Variants in ZDHHC5 observed in about 807,000 individuals in gnomAD.
The protein encoded by ZDHHC5 is palmitoyltransferase ZDHHC5.
Under a neutral mutation model 70.0 loss-of-function variants are expected in ZDHHC5, and 22 were observed. The ratio of observed to expected loss-of-function variants is 0.31; its 90% CI spans 0.22 to 0.45. The LOEUF is 0.45. Ranked by LOEUF, ZDHHC5 falls within the 20% of genes least tolerant of loss-of-function variation. The probability of loss-of-function intolerance (pLI) is 1.00; values close to 1 mark genes in which losing one functional copy is unlikely to be tolerated. For missense variants in ZDHHC5, 746 were observed against 926.9 expected (o/e 0.80, Z 2.53); for synonymous variants, 313 against 347.8 (o/e 0.90, Z 1.11).
chr11:57,678,082 G>C (rs1239526470), intron 2 of ZDHHC5, among the ~76,000 whole-genome samples: 1 of 152,192 alleles, frequency 6.6e-6, no homozygotes, highest in Admixed American at 6.5e-5. Flanking sequence ...TCATCAACAA[G>C]GAACACTAGT....
chr11:57,696,771 A>T lies in ZDHHC5; in HGVS notation c.1020A>T (p.Leu340Phe). 6.2e-7 allele frequency: 1 copy of T among 1,613,544 alleles called. No individual in the cohort carries two copies. Residue 340 changes from leucine (L) to phenylalanine (F), a missense_variant, in exon 10 of 12, where the codon TTA becomes TTT. Physicochemically the swap from Leu to Phe is conservative, Grantham distance 22 (BLOSUM62 0). This residue lies in a region of ZDHHC5 where 179 missense variants were observed against 178.4 expected (regional missense o/e 1.00). Coordinates refer to ENST00000287169, the MANE Select transcript of ZDHHC5 (RefSeq NM_015457.3). ...LGLATNEDSSLLAKDSPPTPT... is the reference protein window; with the variant it reads ...LGLATNEDSSFLAKDSPPTPT... ...CCTTTTTTCTTGCAGATAGTAGCTTATTGGCCAAGGACAGCCCCCCGACAC... is the reference window on the plus strand; with the variant it reads ...CCTTTTTTCTTGCAGATAGTAGCTTTTTGGCCAAGGACAGCCCCCCGACAC...
intron 3 of ZDHHC5, among the ~76,000 whole-genome samples, chr11:57,684,051 A>C (rs1373306270): frequency 7.4e-6 from 1 of 135,298 alleles, no homozygotes; most frequent in African/African-American, 2.7e-5. Context: ...GGCTCACTGC[A>C]GCCTTGACCC....
At position 57,691,299 on chromosome 11, in the gene ZDHHC5, C is replaced by T. The variant is rs1357175999; in HGVS notation, c.660+862C>T. On this transcript the variant is annotated intron_variant, in intron 6 of 11. Transcript: ENST00000287169. ...GTTGGCCAGGCTGGTCTCGAACTCCCGACCTCAGGTGATCCACCCACCTCA... is the reference window on the plus strand; with the variant it reads ...GTTGGCCAGGCTGGTCTCGAACTCCTGACCTCAGGTGATCCACCCACCTCA... Among the ~76,000 whole-genome samples the T allele has an allele frequency of 4.6e-5, 7 of 151,836 alleles. No individual in the cohort carries two copies. In the East Asian group the frequency reaches 5.8e-4, roughly 13 times the overall value.
rs555521374 is a variant in ZDHHC5 at position 57,693,868 on chromosome 11, G to C, written c.838G>C (p.Val280Leu). 4.3e-5 allele frequency: 70 copies of C among 1,613,216 alleles called. 1 individual carries two copies. The South Asian group carries it at 7.6e-4, about 18-fold the overall frequency. The change falls in exon 8 of 12, where the codon GTG becomes CTG. Residue 280 changes from valine (V) to leucine (L), a missense_variant. Around this residue, in one of 6 missense-constraint regions of ZDHHC5, gnomAD observed 114 missense variants for 179.3 expected, o/e 0.64. Transcript: ENST00000287169. ...AGAAGTTTCAGATGGGCAGATAACT[G>C]TGAAGATCATGGATAATGGCATCCA... ...RPEVSDGQITVKIMDNGIQGE... is the reference protein window; with the variant it reads ...RPEVSDGQITLKIMDNGIQGE...
rs1328677429 is a variant in ZDHHC5 at position 57,700,613 on chromosome 11, C to G, written c.*582C>G. The G allele has an allele frequency of 6.6e-6, 1 of 152,458 alleles. No individual in the cohort carries two copies. The highest frequency in any genetic ancestry group is 1.9e-4 in the East Asian group (1 of 5,196). The allele number at this position is 152,458 out of a possible 1,614,324, so 9.4% of individuals were successfully genotyped here. ...AGTTACTAACTACGGAAATAGCATC[C>G]TCTGCTGGTGCTAAGTGTGATTAGG... is the stretch of plus-strand genomic sequence containing the variant. On this transcript the variant is annotated 3_prime_UTR_variant, in exon 12 of 12. Coordinates refer to ENST00000287169, the MANE Select transcript of ZDHHC5 (RefSeq NM_015457.3).
At chr11:57,674,374 T>G (rs1431489102) in intron 2 of ZDHHC5, among the ~76,000 whole-genome samples, 1 of 151,682 alleles carries the variant, frequency 6.6e-6, no homozygotes, top group Non-Finnish European at 1.5e-5. Flanking sequence ...TGCTGTTACC[T>G]GTTTATAAAT....
rs1946426199 is a variant in ZDHHC5 at position 57,700,356 on chromosome 11, T to A, written c.*325T>A. The A allele has an allele frequency of 5.7e-6, 1 of 174,104 alleles. No individual in the cohort carries two copies. Among genetic ancestry groups the A allele is most frequent in the African/African-American group, 2.4e-5 (1 of 41,952 alleles). The allele number at this position is 174,104 out of a possible 1,614,324, so 10.8% of individuals were successfully genotyped here. On this transcript the variant is annotated 3_prime_UTR_variant, in exon 12 of 12. Transcript: ENST00000287169. The stretch of plus-strand genomic sequence containing the variant: ...TTAAACCAGAAATAATTTTTTTTAT[T>A]ATTGTTACGGATTCTATTTTTTTCC...
intron 2 of ZDHHC5, among the ~76,000 whole-genome samples, chr11:57,680,487 G>A (rs1369344709): frequency 6.6e-6 from 1 of 152,234 alleles, no homozygotes; most frequent in East Asian, 1.9e-4. Flanking sequence ...GGAAACTAAG[G>A]TGAATATTTC....
chr11:57,694,890 C>T (rs772460122), intron 8 of ZDHHC5, among the ~76,000 whole-genome samples: 12 of 152,260 alleles, frequency 7.9e-5, no homozygotes, highest in Non-Finnish European at 1.2e-4. Context: ...GTGGGAAGAT[C>T]GCTTGAGTTC....
chr11:57,685,907 A>C (rs1487484330), intron 3 of ZDHHC5, among the ~76,000 whole-genome samples: 1 of 151,966 alleles, frequency 6.6e-6, no homozygotes, highest in Non-Finnish European at 1.5e-5. Flanking sequence ...CATGCCTGTA[A>C]TCCCAGCTAC....
chr11:57,698,776 GT>G lies in ZDHHC5; in HGVS notation c.1342del (p.Ser448GlnfsTer48). 6.2e-7 allele frequency: 1 copy of G among 1,614,166 alleles called. No homozygotes were observed. The highest frequency in any genetic ancestry group is 8.5e-7 in the Non-Finnish European group (1 of 1,180,032). On this transcript the variant is annotated frameshift_variant, in exon 11 of 12. Coordinates refer to ENST00000287169, the MANE Select transcript of ZDHHC5 (RefSeq NM_015457.3). LOFTEE classifies it high-confidence loss of function. ...GAGCTGGGCCAGTTGCAATCCATTC[GT>G]TCAGAGGGCACCACCTCCACCTCCT... ...GFELGQLQSI[R>X]SEGTTSTSYK...
At chr11:57,688,704 T>C (rs760070313) in intron 4 of ZDHHC5, 39 bp downstream of exon 4, 9 of 1,535,640 alleles carry the variant, frequency 5.9e-6, no homozygotes, top group African/African-American at 1.4e-5. Flanking sequence ...ATGCTTAACC[T>C]TCATTGTCTT....
chr11:57,700,323 G>C lies in ZDHHC5; in HGVS notation c.*292G>C. ...CAATTGCTCGCCCTGGAGGGAACCA[G>C]ATCATTTTTAAACCAGAAATAATTT... On this transcript the variant is annotated 3_prime_UTR_variant, in exon 12 of 12. Coordinates refer to ENST00000287169, the MANE Select transcript of ZDHHC5 (RefSeq NM_015457.3). 1 of 256,658 alleles carries C rather than the reference G, an allele frequency of 3.9e-6. No individual in the cohort carries two copies. Among genetic ancestry groups the C allele is most frequent in the Admixed American group, 5.0e-5 (1 of 20,138 alleles). 15.9% of individuals were successfully genotyped at this position (256,658 alleles called of 1,614,324 possible). A position where few individuals can be genotyped will look rare whatever the true frequency, so the allele number is the denominator to read the frequency against.
chr11:57,687,584 T>C (rs1214361039), intron 3 of ZDHHC5, among the ~76,000 whole-genome samples: 1 of 151,296 alleles, frequency 6.6e-6, no homozygotes, highest in Non-Finnish European at 1.5e-5. Flanking sequence ...AAAAAAAAAA[T>C]TGCTAACTGT....
chr11:57,692,670 C>T lies in ZDHHC5; in HGVS notation c.720C>T (p.Val240=), dbSNP rs761155822. The part of the protein sequence containing the change: ...NPFTNGCCNN[V]SRVLCSSPAP... ...TCACCAATGGCTGCTGTAACAATGT[C>T]AGCCGTGTTCTCTGCAGTTCTCCAG... The change falls in exon 7 of 12, where the codon GTC becomes GTT. Residue 240 remains valine (V), a synonymous_variant. Transcript: ENST00000287169. 8.1e-6 allele frequency: 13 copies of T among 1,614,016 alleles called. No homozygotes were observed. The highest frequency in any genetic ancestry group is 5.0e-5 in the Admixed American group (3 of 59,988).
intron 8 of ZDHHC5, 108 bp from the exon 9 acceptor site, chr11:57,695,809 AAAT>A: frequency 7.0e-7 from 1 of 1,427,926 alleles, no homozygotes; most frequent in Non-Finnish European, 9.2e-7. Flanking sequence ...AAAAAAAAAA[AAAT>A]ACATGAGAAT....
At chr11:57,695,842 T>A in intron 8 of ZDHHC5, 78 bp from the exon 9 acceptor site, 1 of 1,514,550 alleles carries the variant, frequency 6.6e-7, no homozygotes, top group East Asian at 2.3e-5. Flanking sequence ...AATACCTCCC[T>A]CTTATATCAA....
At chr11:57,680,360 G>T (rs1946134284) in intron 2 of ZDHHC5, among the ~76,000 whole-genome samples, 1 of 152,206 alleles carries the variant, frequency 6.6e-6, no homozygotes, top group Admixed American at 6.5e-5. Context: ...CTGGGCAAGA[G>T]AGCGAGACCC....
At chr11:57,688,084 G>A (rs933963780) in intron 3 of ZDHHC5, among the ~76,000 whole-genome samples, 2 of 151,934 alleles carry the variant, frequency 1.3e-5, no homozygotes, top group Admixed American at 6.6e-5. Context: ...CAAAGGATTC[G>A]TGCCTGGAAA....
Sources: allele counts gnomAD v4.1 joint callset (sites outside exome capture counted in the v4.1 genomes callset), GRCh38; gene constraint gnomAD v4.1.1; regional missense constraint gnomAD v4.1.1; transcripts MANE v1.5; gene names NCBI Gene and HGNC (gene_info 2026-07-23, HGNC 2026-07-21).